USP38: variants seen among roughly 807,000 people sequenced by gnomAD.
USP38 encodes ubiquitin specific peptidase 38.
In USP38, 49 loss-of-function variants were observed where a neutral mutation model predicts 94.3. The observed-to-expected ratio is 0.52, with a 90% CI of 0.41 to 0.66. The LOEUF (loss-of-function observed/expected upper bound fraction) is 0.66. Among genes scored for constraint, USP38 ranks in the 30% least tolerant of loss-of-function variants. The probability of loss-of-function intolerance (pLI) is 0.00; values close to 1 mark genes in which losing one functional copy is unlikely to be tolerated. For synonymous variants in USP38, 468 were observed against 463.6 expected (o/e 1.01, Z -0.12); for missense variants, 1,128 against 1,229.4 (o/e 0.92, Z 1.23).
rs1296457222 is a variant in USP38 at position 143,222,106 on chromosome 4, T to C, written c.*1650T>C. On this transcript the variant is annotated 3_prime_UTR_variant, in exon 10 of 10. Transcript: ENST00000307017. ...CAGATTATATCAGTCTTGGCATTTATTGAAATTGGTAAAGTGATTTAATAC... is the reference window on the plus strand; with the variant it reads ...CAGATTATATCAGTCTTGGCATTTACTGAAATTGGTAAAGTGATTTAATAC... The C allele has an allele frequency of 1.3e-5, 2 of 152,110 alleles. No homozygotes were observed. The highest frequency in any genetic ancestry group is 2.9e-5 in the Non-Finnish European group (2 of 67,956). 9.4% of individuals were successfully genotyped at this position (152,110 alleles called of 1,614,324 possible).
At chr4:143,189,703 G>A (rs767259650) in intron 2 of USP38, among the ~76,000 whole-genome samples, 2 of 151,658 alleles carry the variant, frequency 1.3e-5, no homozygotes, top group Non-Finnish European at 2.9e-5. Context: ...TTTGACTTTC[G>A]AGATTTGTGA....
rs754188554 is a variant in USP38 at position 143,203,365 on chromosome 4, A to T, written c.1051-43A>T. 3.8e-6 allele frequency: 6 copies of T among 1,573,938 alleles called. No individual in the cohort carries two copies. In the South Asian group the frequency reaches 6.9e-5, roughly 18 times the overall value. ...TTTGTAGGCTAGAGAATGTGTTACC[A>T]ATTTGTATAAATTCAGCATTGTTTA... On this transcript the variant is annotated intron_variant, in intron 4 of 9. Coordinates refer to ENST00000307017, the MANE Select transcript of USP38 (RefSeq NM_032557.6).
rs527499566 is a variant in USP38 at position 143,212,304 on chromosome 4, A to G, written c.1498-14A>G. The G allele has an allele frequency of 5.7e-6, 9 of 1,589,554 alleles. No homozygotes were observed. The South Asian group carries it at 6.8e-5, about 12-fold the overall frequency. On this transcript the variant is annotated splice_polypyrimidine_tract_variant and intron_variant, in intron 7 of 9. Coordinates refer to ENST00000307017, the MANE Select transcript of USP38 (RefSeq NM_032557.6). Reference sequence around the variant, plus strand: ...AGAATCACTTCCTTATATTTTCTCAATTGCTCTCAAAAGAGGGAAGCATAC... The same window carrying G: ...AGAATCACTTCCTTATATTTTCTCAGTTGCTCTCAAAAGAGGGAAGCATAC...
chr4:143,199,117 C>T (rs1172556198), intron 4 of USP38, among the ~76,000 whole-genome samples: 2 of 152,060 alleles, frequency 1.3e-5, no homozygotes, highest in Non-Finnish European at 2.9e-5. Context: ...GTTATCTTTT[C>T]TGCTCCTCTA....
At chr4:143,205,543 A>G (rs1731835817) in intron 5 of USP38, among the ~76,000 whole-genome samples, 1 of 152,124 alleles carries the variant, frequency 6.6e-6, no homozygotes, top group Non-Finnish European at 1.5e-5. Context: ...TCATTTCTTA[A>G]TTACTTTGGG....
chr4:143,203,648 T>C (rs1280964013), intron 5 of USP38, 82 bp downstream of exon 5: 3 of 1,415,004 alleles, frequency 2.1e-6, no homozygotes, highest in East Asian at 4.9e-5. Context: ...CTACTCAATT[T>C]ACTATTTTAT....
At chr4:143,199,127 A>G (rs987000575) in intron 4 of USP38, among the ~76,000 whole-genome samples, 2 of 151,532 alleles carry the variant, frequency 1.3e-5, no homozygotes, top group Non-Finnish European at 2.9e-5. Context: ...CTGCTCCTCT[A>G]CCTCCTCCCA....
chr4:143,190,090 C>T (rs1029337140), intron 2 of USP38, among the ~76,000 whole-genome samples: 1 of 152,064 alleles, frequency 6.6e-6, no homozygotes, highest in African/African-American at 2.4e-5. Context: ...TATTTAGCAG[C>T]AGCACACTTT....
At chr4:143,216,415 A>G (rs1042256323) in intron 9 of USP38, among the ~76,000 whole-genome samples, 1 of 152,116 alleles carries the variant, frequency 6.6e-6, no homozygotes, top group Admixed American at 6.6e-5. Context: ...AAGACTAGGT[A>G]GTAAATCAAA....
intron 6 of USP38, among the ~76,000 whole-genome samples, chr4:143,206,503 G>A (rs1049979164): frequency 1.6e-4 from 25 of 152,020 alleles, no homozygotes; most frequent in Non-Finnish European, 2.4e-4. Context: ...CAGCCTGGCC[G>A]TCATGGCAAA....
At chr4:143,213,505 A>G in intron 8 of USP38, 76 bp from the exon 9 acceptor site, 1 of 1,365,348 alleles carries the variant, frequency 7.3e-7, no homozygotes, top group East Asian at 2.5e-5. Context: ...AGTTTATAGA[A>G]GCCACTAATA....
intron 9 of USP38, among the ~76,000 whole-genome samples, chr4:143,218,724 G>A (rs1732248397): frequency 6.6e-6 from 1 of 152,068 alleles, no homozygotes; most frequent in South Asian, 2.1e-4. Context: ...TCTTTTAGTA[G>A]CAGAAGTTCA....
chr4:143,209,763 T>A (rs1731973955), intron 7 of USP38, 106 bp downstream of exon 7: 5 of 638,180 alleles, frequency 7.8e-6, no homozygotes, highest in Admixed American at 3.6e-5. Flanking sequence ...ATATAATAGA[T>A]ATCTCACCCA....
At chr4:143,187,413 A>G (rs539470778) in intron 1 of USP38, among the ~76,000 whole-genome samples, 3 of 152,072 alleles carry the variant, frequency 2.0e-5, no homozygotes, top group African/African-American at 7.2e-5. Flanking sequence ...CCTTAGAGGG[A>G]TGTAATGATC....
intron 2 of USP38, among the ~76,000 whole-genome samples, chr4:143,190,986 C>T (rs921506887): frequency 2.0e-4 from 30 of 152,080 alleles, no homozygotes; most frequent in Admixed American, 2.0e-4. Flanking sequence ...TTAATTTTTA[C>T]TTATTTTTTT....
chr4:143,197,926 TA>T lies in USP38; in HGVS notation c.1050+4del. On this transcript the variant is annotated splice_donor_region_variant and intron_variant, in intron 4 of 9. Transcript: ENST00000307017. ...CATTCTCCAGAGGCGTTCCATTTGG[TA>T]AGTTATGACATAAACGTTCTACTTT... The T allele has an allele frequency of 6.2e-7, 1 of 1,605,198 alleles. No individual in the cohort carries two copies. Among genetic ancestry groups the T allele is most frequent in the Non-Finnish European group, 8.5e-7 (1 of 1,174,830 alleles).
At chr4:143,212,188 G>A (rs954088747) in intron 7 of USP38, 130 bp from the exon 8 acceptor site, 34 of 595,702 alleles carry the variant, frequency 5.7e-5, no homozygotes, top group African/African-American at 9.7e-5. Flanking sequence ...AAGTTGCCAC[G>A]TCCGGCACTT....
Position 143,192,550 on chromosome 4 carries a change from C to CTTTTT in USP38, c.819-3149_819-3145dup, listed in dbSNP as rs35416730. Among the ~76,000 whole-genome samples, 78 of 103,392 alleles carry CTTTTT rather than the reference C, an allele frequency of 7.5e-4. 2 individuals are homozygous for CTTTTT. The highest frequency in any genetic ancestry group is 2.3e-3 in the African/African-American group (62 of 26,820). 67.8% of individuals were successfully genotyped at this position (103,392 alleles called of 152,430 possible). On this transcript the variant is annotated intron_variant, in intron 2 of 9. Coordinates refer to ENST00000307017, the MANE Select transcript of USP38 (RefSeq NM_032557.6). The stretch of plus-strand genomic sequence containing the variant: ...AGTGTCTCTATCAGATCCCATATTA[C>CTTTTT]TTTTTTTTTTTTTTTTTTTTTCATT...
At chr4:143,197,747 C>A in intron 3 of USP38, 76 bp from the exon 4 acceptor site, 1 of 989,428 alleles carries the variant, frequency 1.0e-6, no homozygotes, top group Non-Finnish European at 1.6e-6. Flanking sequence ...TAAATTCTAG[C>A]TCTAGGAAAA....
Sources: gnomAD v4.1 joint callset for allele counts (sites outside exome capture counted in the v4.1 genomes callset) on GRCh38, gnomAD v4.1.1 for gene constraint, MANE v1.5 for transcripts, NCBI Gene and HGNC (gene_info 2026-07-23, HGNC 2026-07-21) for gene names.